TMEM44: variants seen among roughly 807,000 people sequenced by gnomAD.
The protein encoded by TMEM44 is transmembrane protein 44.
A neutral mutation model predicts 47.8 loss-of-function variants in TMEM44; 43 were observed. The observed-to-expected ratio is 0.90, with a 90% CI of 0.70 to 1.16. The LOEUF is 1.16. Ranked by LOEUF, TMEM44 falls within the 50% of genes most tolerant of loss-of-function variation. The pLI is 0.00. For synonymous variants in TMEM44, 277 were observed against 238.8 expected, an observed-to-expected ratio of 1.16 and a Z score of -1.48; for missense variants, 568 against 555.2, an observed-to-expected ratio of 1.02 and a Z score of -0.23.
intron 5 of TMEM44, among the ~76,000 whole-genome samples, chr3:194,621,356 A>G (rs1716516519): frequency 6.6e-6 from 1 of 152,122 alleles, no homozygotes; most frequent in Non-Finnish European, 1.5e-5. Context: ...CCGAGACAAT[A>G]AACTTCTGTT....
chr3:194,589,922 G>A (rs143400107), intron 9 of TMEM44: 21 of 152,122 alleles, frequency 1.4e-4, no homozygotes, highest in African/African-American at 4.8e-4. Context: ...ATTTCCAAGC[G>A]TCTATGATGA....
At chr3:194,607,039 T>G (rs1411811598) in intron 8 of TMEM44, among the ~76,000 whole-genome samples, 1 of 151,508 alleles carries the variant, frequency 6.6e-6, no homozygotes, top group African/African-American at 2.4e-5. Context: ...GGTTTGGATG[T>G]GGTTTGTTTG....
rs539765856 is a variant in TMEM44, at chr3:194,617,276, A to G, written c.613-7T>C. The G allele has an allele frequency of 2.4e-4, 231 of 963,326 alleles. 1 individual carries two copies. The Middle Eastern group carries it at 5.9e-3, about 24-fold the overall frequency. 59.7% of individuals were successfully genotyped at this position (963,326 alleles called of 1,614,324 possible). A position where few individuals can be genotyped will look rare whatever the true frequency, so the allele number is the denominator to read the frequency against. ...GAAATGTCTTCCCCCGGCACTGGGC[A>G]GAGAGAGGGAGGGGCTGGGCGGGAG... is the stretch of plus-strand genomic sequence containing the variant. On this transcript the variant is annotated splice_region_variant and splice_polypyrimidine_tract_variant and intron_variant, in intron 5 of 9. Transcript: ENST00000347147.
intron 7 of TMEM44, 72 bp downstream of exon 7, chr3:194,615,497 C>T: frequency 6.4e-7 from 1 of 1,572,306 alleles, no homozygotes; most frequent in Non-Finnish European, 8.6e-7. Flanking sequence ...CCGCAGTATC[C>T]TGCTGTTTCT....
Position 194,625,919 on chromosome 3 carries a change from T to A in TMEM44, c.336A>T (p.Gly112=), listed in dbSNP as rs1717122727. 1 of 1,613,588 alleles carries A rather than the reference T, an allele frequency of 6.2e-7. No individual in the cohort carries two copies. Among genetic ancestry groups the A allele is most frequent in the African/African-American group, 1.3e-5 (1 of 74,920 alleles). ...CACCTGAATTAGACTTGAATTTGGATCCACAGACTGGGAAGAGAATGAACA... is the reference window on the plus strand; with the variant it reads ...CACCTGAATTAGACTTGAATTTGGAACCACAGACTGGGAAGAGAATGAACA... ...NFMFILFPVC[G]SKFKSNSDRE... is the part of the protein sequence containing the mutation. The change falls in exon 3 of 10, where the codon GGA becomes GGT. Residue 112 remains glycine, a synonymous_variant. Coordinates refer to ENST00000347147, the MANE Select transcript of TMEM44 (RefSeq NM_001011655.3).
intron 5 of TMEM44, among the ~76,000 whole-genome samples, chr3:194,621,903 G>C (rs1348947401): frequency 6.6e-6 from 1 of 152,160 alleles, no homozygotes; most frequent in Admixed American, 6.5e-5. Flanking sequence ...GTAGAGACGG[G>C]GTTTCAGCAT....
At chr3:194,632,440 G>A (rs1014699948) in intron 1 of TMEM44, among the ~76,000 whole-genome samples, 1 of 152,178 alleles carries the variant, frequency 6.6e-6, no homozygotes, top group African/African-American at 2.4e-5. Flanking sequence ...GGACAGAGCG[G>A]CTGAGGACCT....
intron 8 of TMEM44, among the ~76,000 whole-genome samples, chr3:194,608,916 G>A (rs906292412): frequency 7.9e-5 from 12 of 152,296 alleles, no homozygotes; most frequent in African/African-American, 2.9e-4. Context: ...CTGGCTGCTC[G>A]TTAGAGATGG....
chr3:194,591,252 G>A (rs1472787760), intron 9 of TMEM44, among the ~76,000 whole-genome samples: 1 of 151,684 alleles, frequency 6.6e-6, no homozygotes, highest in Non-Finnish European at 1.5e-5. Context: ...CAACACTCTG[G>A]GAGGCTGAGG....
At chr3:194,613,200 C>T (rs1008358214) in intron 7 of TMEM44, among the ~76,000 whole-genome samples, 1 of 151,988 alleles carries the variant, frequency 6.6e-6, no homozygotes, top group African/African-American at 2.4e-5. Flanking sequence ...TTTCTTGAGA[C>T]AGATTTTCAC....
intron 9 of TMEM44, among the ~76,000 whole-genome samples, chr3:194,602,602 C>CA (rs57532938): frequency 0.48 from 68,512 of 143,090 alleles, 16,883 homozygotes; most frequent in East Asian, 0.78. Flanking sequence ...AACTCCTTCT[C>CA]AAAAAAAAAA....
intron 5 of TMEM44, among the ~76,000 whole-genome samples, chr3:194,621,758 C>T (rs1434921345): frequency 1.3e-5 from 2 of 151,542 alleles, no homozygotes; most frequent in African/African-American, 2.4e-5. Flanking sequence ...GCTCAGTCAC[C>T]TAGGATGGAG....
intron 9 of TMEM44, among the ~76,000 whole-genome samples, chr3:194,600,818 A>G (rs9876822): frequency 0.43 from 65,276 of 151,988 alleles, 14,793 homozygotes; most frequent in East Asian, 0.77. Flanking sequence ...GGGATCACAC[A>G]CCTGAAAAAA....
intron 2 of TMEM44, 85 bp downstream of exon 2, chr3:194,628,298 A>G (rs1318216): frequency 0.74 from 1,118,692 of 1,503,904 alleles, 420,152 homozygotes; most frequent in Non-Finnish European, 0.77. Flanking sequence ...CAACAAGACA[A>G]AAGCCACCAC....
chr3:194,598,936 G>T (rs763880808), intron 9 of TMEM44, among the ~76,000 whole-genome samples: 9 of 152,194 alleles, frequency 5.9e-5, no homozygotes, highest in Non-Finnish European at 1.2e-4. Context: ...CAACCCAAGG[G>T]ATCAAACGGA....
intron 9 of TMEM44, among the ~76,000 whole-genome samples, chr3:194,595,699 C>T (rs1713320659): frequency 6.6e-6 from 1 of 151,424 alleles, no homozygotes. Flanking sequence ...GATCTCAGCT[C>T]ACTGCAACCT....
At position 194,604,363 on chromosome 3, in the gene TMEM44, G is replaced by A. The variant is rs1714530238; in HGVS notation, c.1100C>T (p.Pro367Leu). Residue 367 changes from proline to leucine, a missense_variant, in exon 9 of 10, where the codon CCT (proline) becomes CTT (leucine). Physicochemically the swap from Pro to Leu is moderately conservative, Grantham distance 98. Coordinates refer to ENST00000347147, the MANE Select transcript of TMEM44 (RefSeq NM_001011655.3). ...CCGGGCCCGGATGACCTGAACGGGA[G>A]GGTACGACGGGGGGTCCTGCAGGGA... is the stretch of plus-strand genomic sequence containing the variant. ...DASLQDPPSY[P>L]PVQVIRARVS... 2 of 1,564,086 alleles carry A rather than the reference G, an allele frequency of 1.3e-6. No individual in the cohort carries two copies. Among genetic ancestry groups the A allele is most frequent in the Non-Finnish European group, 1.7e-6 (2 of 1,154,398 alleles).
Position 194,615,701 on chromosome 3 carries a change from A to G in TMEM44, c.784-4T>C, listed in dbSNP as rs761210129. ...TCACACACGAAAGGAAAATAATCTG[A>G]GATGGTGTAAGTTAAGGTAGGAAGC... On this transcript the variant is annotated splice_polypyrimidine_tract_variant and splice_region_variant and intron_variant, in intron 6 of 9. Transcript: ENST00000347147. 1.3e-5 allele frequency: 21 copies of G among 1,613,580 alleles called. No homozygotes were observed. Among genetic ancestry groups the G allele is most frequent in the Non-Finnish European group, 1.8e-5 (21 of 1,179,668 alleles).
intron 8 of TMEM44, among the ~76,000 whole-genome samples, chr3:194,610,098 G>T (rs1334321467): frequency 6.6e-6 from 1 of 151,950 alleles, no homozygotes; most frequent in Non-Finnish European, 1.5e-5. Context: ...GTGGTGGCAG[G>T]CTCCTGTAGT....
Sources: gnomAD v4.1 joint callset for allele counts (sites outside exome capture counted in the v4.1 genomes callset) on GRCh38, gnomAD v4.1.1 for gene constraint, MANE v1.5 for transcripts, NCBI Gene and HGNC (gene_info 2026-07-23, HGNC 2026-07-21) for gene names.